KRT74: variants seen among roughly 807,000 people sequenced by gnomAD.
KRT74 encodes keratin, type II cytoskeletal 74.
Under a neutral mutation model 42.7 loss-of-function variants are expected in KRT74, and 43 were observed. The observed-to-expected ratio is 1.01, with a 90% CI of 0.79 to 1.30. KRT74 has a LOEUF of 1.30. Among genes scored for constraint, KRT74 ranks in the 50% most tolerant of loss-of-function variants. The probability of loss-of-function intolerance (pLI) is 0.00; values close to 1 mark genes in which losing one functional copy is unlikely to be tolerated. For missense variants in KRT74, 736 were observed against 689.1 expected, an observed-to-expected ratio of 1.07 and a Z score of -0.76; for synonymous variants, 302 against 279.0, an observed-to-expected ratio of 1.08 and a Z score of -0.82.
Position 52,571,943 on chromosome 12 carries a change from C to T in KRT74, c.747+1G>A. 6.4e-7 allele frequency: 1 copy of T among 1,568,946 alleles called. No homozygotes were observed. The highest frequency in any genetic ancestry group is 8.8e-7 in the Non-Finnish European group (1 of 1,139,362). ...AATAAGGAGGCTCCTCCCTCTCTTACCTTCTTAAGCACCACAAACTCATTC... is the reference window on the plus strand; with the variant it reads ...AATAAGGAGGCTCCTCCCTCTCTTATCTTCTTAAGCACCACAAACTCATTC... On this transcript the variant is annotated splice_donor_variant, in intron 3 of 8. Transcript: ENST00000305620. LOFTEE classifies it high-confidence loss of function.
At position 52,573,355 on chromosome 12, in the gene KRT74, C is replaced by T; in HGVS notation, c.423G>A (p.Arg141=). The stretch of plus-strand genomic sequence containing the variant: ...TGTCGTTCAGCACCTTGATCTGTTC[C>T]CGCTCCTGGGCGCGCACCTTCTGGA... ...PEIQKVRAQE[R]EQIKVLNDKF... The change falls in exon 1 of 9, where the codon CGG becomes CGA. Residue 141 remains arginine (R), a synonymous_variant. Coordinates refer to ENST00000305620, the MANE Select transcript of KRT74 (RefSeq NM_175053.4). The T allele has an allele frequency of 6.2e-7, 1 of 1,614,188 alleles. No homozygotes were observed. The highest frequency in any genetic ancestry group is 8.5e-7 in the Non-Finnish European group (1 of 1,180,034).
intron 4 of KRT74, among the ~76,000 whole-genome samples, chr12:52,571,057 G>T (rs764478964): frequency 5.1e-4 from 77 of 152,354 alleles, no homozygotes; most frequent in Admixed American, 1.1e-3. Context: ...ACATGCAGAC[G>T]GGTGAATAAT....
At position 52,566,708 on chromosome 12, in the gene KRT74, G is replaced by A; in HGVS notation, c.*261C>T. ...CCTTAGGGCCAAGAAGGTTATAATG[G>A]CTTGTGCCTCCAAAGCCTCCTGCCA... On this transcript the variant is annotated 3_prime_UTR_variant, in exon 9 of 9. Transcript: ENST00000305620. 2.4e-6 allele frequency: 1 copy of A among 415,764 alleles called. No individual in the cohort carries two copies. The highest frequency in any genetic ancestry group is 4.3e-6 in the Non-Finnish European group (1 of 233,106). 25.8% of individuals were successfully genotyped at this position (415,764 alleles called of 1,614,324 possible). A position where few individuals can be genotyped will look rare whatever the true frequency, so the allele number is the denominator to read the frequency against.
intron 6 of KRT74, 22 bp downstream of exon 6, chr12:52,569,837 T>A (rs993276244): frequency 1.9e-6 from 3 of 1,613,938 alleles, no homozygotes; most frequent in Non-Finnish European, 2.5e-6. Flanking sequence ...GACCGGGAGT[T>A]CTTTGTGGGG....
chr12:52,572,078 G>C lies in KRT74; in HGVS notation c.687-74C>G, dbSNP rs559467208. 3.3e-3 allele frequency: 3,786 copies of C among 1,144,574 alleles called. 13 individuals carry two copies. Among genetic ancestry groups the C allele is most frequent in the Non-Finnish European group, 3.6e-3 (2,726 of 753,082 alleles). 70.9% of individuals were successfully genotyped at this position (1,144,574 alleles called of 1,614,324 possible). On this transcript the variant is annotated intron_variant, in intron 2 of 8. Transcript: ENST00000305620. ...TTCTCTTCCTGCTGGCCAGGCAAAT[G>C]TTTGGGATACAGGGTCCCTGCAGGG...
At chr12:52,567,190 C>A (rs1939396691) in intron 8 of KRT74, 22 bp from the exon 9 acceptor site, 2 of 1,554,576 alleles carry the variant, frequency 1.3e-6, no homozygotes, top group Non-Finnish European at 1.7e-6. Flanking sequence ...GGGCCAAGAG[C>A]AGGGGAGAGG....
At position 52,566,438 on chromosome 12, in the gene KRT74, G is replaced by A. The variant is rs1478862282; in HGVS notation, c.*531C>T. On this transcript the variant is annotated 3_prime_UTR_variant, in exon 9 of 9. Coordinates refer to ENST00000305620, the MANE Select transcript of KRT74 (RefSeq NM_175053.4). ...GGCTTTGTGGAGATGGGTGCAGCTGGTGGTCTACAGATGTACACGTGGTGT... is the reference window on the plus strand; with the variant it reads ...GGCTTTGTGGAGATGGGTGCAGCTGATGGTCTACAGATGTACACGTGGTGT... 1.3e-5 allele frequency: 2 copies of A among 152,458 alleles called. No individual in the cohort carries two copies. The highest frequency in any genetic ancestry group is 3.8e-4 in the East Asian group (2 of 5,210). The allele number at this position is 152,458 out of a possible 1,614,324, so 9.4% of individuals were successfully genotyped here. A position where few individuals can be genotyped will look rare whatever the true frequency, so the allele number is the denominator to read the frequency against.
At position 52,572,581 on chromosome 12, in the gene KRT74, G is replaced by T; in HGVS notation, c.558C>A (p.Asn186Lys). 4 of 1,614,160 alleles carry T rather than the reference G, an allele frequency of 2.5e-6. No individual in the cohort carries two copies. The highest frequency in any genetic ancestry group is 3.4e-6 in the Non-Finnish European group (4 of 1,180,024). Reference sequence around the variant, plus strand: ...TGTAGCCCTCAAGGATGGGCTCCAGGTTCTTCTTGCAGTTGTTCAGGTCCA... The same window carrying T: ...TGTAGCCCTCAAGGATGGGCTCCAGTTTCTTCTTGCAGTTGTTCAGGTCCA... ...QQLDLNNCKKNLEPILEGYIS... is the reference protein window; with the variant it reads ...QQLDLNNCKKKLEPILEGYIS... The change falls in exon 2 of 9, where the codon AAC becomes AAA. Residue 186 changes from asparagine to lysine, a missense_variant. Transcript: ENST00000305620.
At chr12:52,569,440 C>T (rs780417420) in intron 6 of KRT74, 115 of 610,706 alleles carry the variant, frequency 1.9e-4, no homozygotes, top group Non-Finnish European at 3.1e-4. Flanking sequence ...CACACATGTT[C>T]CATGTCCAGT....
chr12:52,573,623 C>G lies in KRT74; in HGVS notation c.155G>C (p.Ser52Thr). 1 of 1,614,202 alleles carries G rather than the reference C, an allele frequency of 6.2e-7. No homozygotes were observed. The highest frequency in any genetic ancestry group is 8.5e-7 in the Non-Finnish European group (1 of 1,180,040). Residue 52 changes from serine (S) to threonine (T), a missense_variant, in exon 1 of 9, where the codon AGC becomes ACC. Transcript: ENST00000305620. ...AGAAATACGCCGATTCCCTCCAAGG[C>G]TATAGAGGCTCCGACTGCCAAAGCC... Reference protein sequence around the residue: ...GAGFGSRSLYSLGGNRRISFN... With the variant: ...GAGFGSRSLYTLGGNRRISFN...
chr12:52,570,986 G>A (rs1665099357), intron 4 of KRT74, among the ~76,000 whole-genome samples, 153 bp from the exon 5 acceptor site: 1 of 152,266 alleles, frequency 6.6e-6, no homozygotes, highest in South Asian at 2.1e-4. Flanking sequence ...TGTGTCTGCA[G>A]AGCTGAGGGA....
chr12:52,568,077 G>C, intron 7 of KRT74, 92 bp downstream of exon 7: 1 of 1,403,804 alleles, frequency 7.1e-7, no homozygotes, highest in South Asian at 1.2e-5. Context: ...TGCTTGTATT[G>C]GCACTAACCA....
At position 52,566,008 on chromosome 12, in the gene KRT74, C is replaced by G. The variant is rs1939374024; in HGVS notation, c.*961G>C. 1 of 152,190 alleles carries G rather than the reference C, an allele frequency of 6.6e-6. No homozygotes were observed. The highest frequency in any genetic ancestry group is 2.4e-5 in the African/African-American group (1 of 41,446). The allele number at this position is 152,190 out of a possible 1,614,324, so 9.4% of individuals were successfully genotyped here. A position where few individuals can be genotyped will look rare whatever the true frequency, so the allele number is the denominator to read the frequency against. On this transcript the variant is annotated 3_prime_UTR_variant, in exon 9 of 9. Transcript: ENST00000305620. ...GAGTCAGAAGCTATGTAGGACACAG[C>G]CCCAGAGAGACTGTGGAAGACAAAT...
chr12:52,568,954 G>C (rs1190678423), intron 6 of KRT74, among the ~76,000 whole-genome samples: 1 of 152,218 alleles, frequency 6.6e-6, no homozygotes, highest in Non-Finnish European at 1.5e-5. Flanking sequence ...GCTGGACTCT[G>C]ATGAACATCT....
At position 52,573,290 on chromosome 12, in the gene KRT74, C is replaced by T. The variant is rs1268742118; in HGVS notation, c.471+17G>A. ...AGGCCTCAGGGTGCGGCCTCATCCT[C>T]CTCCTATGAGACCCACCTTGTCAAT... On this transcript the variant is annotated intron_variant, in intron 1 of 8. Transcript: ENST00000305620. 2 of 1,611,040 alleles carry T rather than the reference C, an allele frequency of 1.2e-6. No individual in the cohort carries two copies. Among genetic ancestry groups the T allele is most frequent in the South Asian group, 1.1e-5 (1 of 91,028 alleles).
chr12:52,567,270 C>T (rs1302966925), intron 8 of KRT74, 102 bp from the exon 9 acceptor site: 1 of 996,364 alleles, frequency 1.0e-6, no homozygotes, highest in East Asian at 2.6e-5. Context: ...AACAACACCT[C>T]ATTTAATCCG....
At chr12:52,572,769 C>A in intron 1 of KRT74, 102 bp from the exon 2 acceptor site, 3 of 1,051,282 alleles carry the variant, frequency 2.9e-6, no homozygotes, top group Non-Finnish European at 4.4e-6. Flanking sequence ...TTGTTGTAGT[C>A]ATTTTTGCTC....
Position 52,566,754 on chromosome 12 carries a change from T to G in KRT74, c.*215A>C. ...TGCCAGCCAAAGGCAGCGAGGAAAATGAGAAGTCGTTAGTCCACATGGGAC... is the reference window on the plus strand; with the variant it reads ...TGCCAGCCAAAGGCAGCGAGGAAAAGGAGAAGTCGTTAGTCCACATGGGAC... On this transcript the variant is annotated 3_prime_UTR_variant, in exon 9 of 9. Coordinates refer to ENST00000305620, the MANE Select transcript of KRT74 (RefSeq NM_175053.4). The G allele has an allele frequency of 4.6e-6, 2 of 432,664 alleles. No homozygotes were observed. Among genetic ancestry groups the G allele is most frequent in the South Asian group, 8.1e-5 (1 of 12,314 alleles). 26.8% of individuals were successfully genotyped at this position (432,664 alleles called of 1,614,324 possible). A position where few individuals can be genotyped will look rare whatever the true frequency, so the allele number is the denominator to read the frequency against.
At position 52,572,792 on chromosome 12, in the gene KRT74, T is replaced by C; in HGVS notation, c.472-125A>G. On this transcript the variant is annotated intron_variant, in intron 1 of 8. Coordinates refer to ENST00000305620, the MANE Select transcript of KRT74 (RefSeq NM_175053.4). Reference sequence around the variant, plus strand: ...GTCATTTTTGCTCATGTCTTGACTCTCCACCCTTGCCATTCCACACAAACT... The same window carrying C: ...GTCATTTTTGCTCATGTCTTGACTCCCCACCCTTGCCATTCCACACAAACT... 4.7e-6 allele frequency: 4 copies of C among 846,806 alleles called. No individual in the cohort carries two copies. In the South Asian group the frequency reaches 5.7e-5, roughly 12 times the overall value. The allele number at this position is 846,806 out of a possible 1,614,324, so 52.5% of individuals were successfully genotyped here. A position where few individuals can be genotyped will look rare whatever the true frequency, so the allele number is the denominator to read the frequency against.
Sources: allele counts gnomAD v4.1 joint callset (sites outside exome capture counted in the v4.1 genomes callset), GRCh38; gene constraint gnomAD v4.1.1; transcripts MANE v1.5; gene names NCBI Gene and HGNC (gene_info 2026-07-23, HGNC 2026-07-21).